Variants in ESF1 observed in about 807,000 individuals in gnomAD.
ESF1 encodes ESF1 nucleolar pre-rRNA processing protein.
Under a neutral mutation model 92.0 loss-of-function variants are expected in ESF1, and 58 were observed. The ratio of observed to expected loss-of-function variants is 0.63; its 90% CI spans 0.51 to 0.78. The LOEUF is 0.78. Among genes scored for constraint, ESF1 ranks in the 30% least tolerant of loss-of-function variants. The pLI is 0.00. For missense variants in ESF1, 922 were observed against 989.1 expected, an observed-to-expected ratio of 0.93 and a Z score of 0.91; for synonymous variants, 321 against 313.7, an observed-to-expected ratio of 1.02 and a Z score of -0.24.
intron 5 of ESF1, 36 bp downstream of exon 5, chr20:13,772,479 T>A (rs1460075156): frequency 3.5e-6 from 5 of 1,418,778 alleles, no homozygotes; most frequent in South Asian, 1.2e-5. Flanking sequence ...CATGAATTTA[T>A]GAGGTTTAGT....
intron 9 of ESF1, among the ~76,000 whole-genome samples, chr20:13,739,520 T>C (rs1478130962): frequency 1.3e-5 from 2 of 152,170 alleles, no homozygotes; most frequent in East Asian, 3.8e-4. Context: ...TATCAAGCTA[T>C]CCTAGTACTG....
At chr20:13,725,369 A>G (rs112811778) in intron 11 of ESF1, among the ~76,000 whole-genome samples, 6 of 152,322 alleles carry the variant, frequency 3.9e-5, no homozygotes, top group African/African-American at 1.4e-4. Flanking sequence ...AAAAGCTCAT[A>G]TCTTTAAAAA....
intron 8 of ESF1, among the ~76,000 whole-genome samples, chr20:13,763,054 G>A (rs1019720585): frequency 7.2e-5 from 11 of 151,822 alleles, no homozygotes; most frequent in African/African-American, 2.7e-4. Context: ...GTAGAGACGG[G>A]GTTTCACCGT....
chr20:13,762,052 T>C (rs944961580), intron 8 of ESF1, among the ~76,000 whole-genome samples: 1 of 152,214 alleles, frequency 6.6e-6, no homozygotes, highest in African/African-American at 2.4e-5. Flanking sequence ...TGTATCTTTT[T>C]TAGTTTTTAA....
intron 11 of ESF1, among the ~76,000 whole-genome samples, chr20:13,723,285 A>G (rs941971057): frequency 6.6e-6 from 1 of 152,094 alleles, no homozygotes; most frequent in Non-Finnish European, 1.5e-5. Flanking sequence ...TTCCTGCATC[A>G]CTTGCCCATA....
chr20:13,778,346 C>T (rs1334212594), intron 2 of ESF1, among the ~76,000 whole-genome samples: 1 of 151,556 alleles, frequency 6.6e-6, no homozygotes, highest in African/African-American at 2.4e-5. Flanking sequence ...ATGAGGTAAG[C>T]AGAATTTACT....
At chr20:13,768,450 C>T (rs747977426) in intron 7 of ESF1, among the ~76,000 whole-genome samples, 26 of 151,972 alleles carry the variant, frequency 1.7e-4, no homozygotes, top group Non-Finnish European at 3.4e-4. Flanking sequence ...GGCATGGTGG[C>T]GTGCCCCTGT....
intron 9 of ESF1, among the ~76,000 whole-genome samples, chr20:13,736,347 C>T (rs1405236238): frequency 6.6e-6 from 1 of 151,946 alleles, no homozygotes; most frequent in African/African-American, 2.4e-5. Flanking sequence ...AATCACTGTT[C>T]TAGACAATCA....
intron 8 of ESF1, among the ~76,000 whole-genome samples, chr20:13,766,152 G>A (rs1446299598): frequency 2.0e-5 from 3 of 151,976 alleles, no homozygotes; most frequent in African/African-American, 7.3e-5. Flanking sequence ...ATATAATGAC[G>A]AGATCTAACA....
intron 9 of ESF1, among the ~76,000 whole-genome samples, chr20:13,754,326 C>G (rs1978781199): frequency 6.6e-6 from 1 of 152,182 alleles, no homozygotes; most frequent in African/African-American, 2.4e-5. Context: ...GATAGCCTCT[C>G]CAGCTGCTCG....
At chr20:13,723,451 A>T (rs2147721427) in intron 11 of ESF1, among the ~76,000 whole-genome samples, 1 of 125,610 alleles carries the variant, frequency 8.0e-6, no homozygotes, top group Admixed American at 7.9e-5. Flanking sequence ...GAAAATTAGC[A>T]GATTTTTCTA....
Position 13,717,407 on chromosome 20 carries a change from C to G in ESF1, c.2223G>C (p.Gln741His). The G allele has an allele frequency of 6.2e-7, 1 of 1,614,074 alleles. No homozygotes were observed. Among genetic ancestry groups the G allele is most frequent in the Non-Finnish European group, 8.5e-7 (1 of 1,180,018 alleles). ...HQNLSKKKKK[Q>H]LMKKKELIED... ...CTATTAATTCCTTCTTTTTCATGAG[C>G]TGCTTTTTCTTCTTTTTGCTCAGAT... Residue 741 changes from glutamine to histidine, a missense_variant, in exon 13 of 14, where the codon CAG becomes CAC. Gln to His is a conservative substitution (Grantham distance 24). Coordinates refer to ENST00000617257, the MANE Select transcript of ESF1 (RefSeq NM_001276380.2).
intron 11 of ESF1, among the ~76,000 whole-genome samples, chr20:13,719,785 TGAATATA>T (rs2049855117): frequency 6.6e-6 from 1 of 152,132 alleles, no homozygotes. Flanking sequence ...CCAAGTGATT[TGAATATA>T]TAAACTCAAC....
chr20:13,774,154 T>C (rs975293429), intron 4 of ESF1, among the ~76,000 whole-genome samples: 1 of 152,200 alleles, frequency 6.6e-6, no homozygotes, highest in African/African-American at 2.4e-5. Flanking sequence ...AGATGATTAT[T>C]GGTATCCTTT....
At chr20:13,755,577 C>T (rs1451475581) in intron 9 of ESF1, among the ~76,000 whole-genome samples, 3 of 152,038 alleles carry the variant, frequency 2.0e-5, no homozygotes, top group Non-Finnish European at 4.4e-5. Flanking sequence ...CCTTTAGCAA[C>T]GCATTGAGAT....
chr20:13,782,450 A>G, intron 2 of ESF1, 54 bp downstream of exon 2: 2 of 1,370,002 alleles, frequency 1.5e-6, no homozygotes. Context: ...TTGAAAGATC[A>G]GTATAAAAAT....
intron 3 of ESF1, among the ~76,000 whole-genome samples, chr20:13,775,513 A>T (rs6042356): frequency 6.6e-6 from 1 of 151,968 alleles, no homozygotes; most frequent in East Asian, 1.9e-4. Context: ...CATGATCATG[A>T]GCTGATTTTT....
chr20:13,725,771 C>A (rs1476858214), intron 11 of ESF1, among the ~76,000 whole-genome samples: 1 of 152,166 alleles, frequency 6.6e-6, no homozygotes, highest in African/African-American at 2.4e-5. Context: ...TGCTACTGAT[C>A]CTTAACTCTA....
chr20:13,777,278 C>T (rs1015567153), intron 2 of ESF1, among the ~76,000 whole-genome samples: 3 of 152,174 alleles, frequency 2.0e-5, no homozygotes, highest in Admixed American at 6.5e-5. Flanking sequence ...AGATTTGACA[C>T]GGGGACTGGG....
Sources: gnomAD v4.1 joint callset for allele counts (sites outside exome capture counted in the v4.1 genomes callset) on GRCh38, gnomAD v4.1.1 for gene constraint, MANE v1.5 for transcripts, NCBI Gene and HGNC (gene_info 2026-07-23, HGNC 2026-07-21) for gene names.